The following COL5A2 variants were observed in gnomAD, a reference collection of about 807,000 sequenced individuals.
The protein encoded by COL5A2 is collagen type V alpha 2 chain.
COL5A2 carries 23 observed loss-of-function variants against 208.2 expected under a neutral mutation model. That is an observed-to-expected ratio of 0.11 (90% confidence interval 0.08 to 0.16). The LOEUF (loss-of-function observed/expected upper bound fraction) is 0.16, where lower values mean the gene tolerates loss of function less well. Among genes scored for constraint, COL5A2 ranks in the 10% least tolerant of loss-of-function variants. The probability of loss-of-function intolerance (pLI) is 1.00; values close to 1 mark genes in which losing one functional copy is unlikely to be tolerated. For synonymous variants in COL5A2, 625 were observed against 628.5 expected (o/e 0.99, Z 0.08); for missense variants, 1,590 against 1,956.4 (o/e 0.81, Z 3.53).
chr2:189,144,927 A>C (rs1383552199), intron 1 of COL5A2, among the ~76,000 whole-genome samples: 4 of 152,160 alleles, frequency 2.6e-5, no homozygotes, highest in African/African-American at 7.2e-5. Flanking sequence ...GAGAGATTTC[A>C]TCATCTCCTG....
At chr2:189,427,402 T>C in the COL5A2 span, among the ~76,000 whole-genome samples, 147 of 152,246 alleles carry the variant, frequency 9.7e-4, 2 homozygotes, top group African/African-American at 3.2e-3. Context: ...AGAAGCCAGC[T>C]GCAGGGGCAG....
At chr2:189,055,168 C>G (rs1376058836) in intron 35 of COL5A2, among the ~76,000 whole-genome samples, 1 of 152,178 alleles carries the variant, frequency 6.6e-6, no homozygotes, top group East Asian at 1.9e-4. Context: ...CAGGCGTGAG[C>G]CATCGCGCCC....
At chr2:189,423,077 T>G in the COL5A2 span, among the ~76,000 whole-genome samples, 1 of 150,622 alleles carries the variant, frequency 6.6e-6, no homozygotes, top group African/African-American at 2.4e-5. Context: ...AATGGATATT[T>G]AAAAACATAC....
chr2:189,247,829 C>G, the COL5A2 span, among the ~76,000 whole-genome samples: 1 of 152,144 alleles, frequency 6.6e-6, no homozygotes, highest in African/African-American at 2.4e-5. Context: ...ATCCACGCAT[C>G]TCAGCATCCC....
At chr2:189,317,102 T>C in the COL5A2 span, among the ~76,000 whole-genome samples, 1 of 152,048 alleles carries the variant, frequency 6.6e-6, no homozygotes, top group African/African-American at 2.4e-5. Flanking sequence ...AAGCCAAAGG[T>C]ATATTATTTT....
chr2:189,178,483 C>T (rs1688720140), intron 1 of COL5A2, among the ~76,000 whole-genome samples: 1 of 151,832 alleles, frequency 6.6e-6, no homozygotes, highest in Non-Finnish European at 1.5e-5. Flanking sequence ...TTTGATGTTA[C>T]ATGGTTGAGT....
At chr2:189,378,143 T>C in the COL5A2 span, among the ~76,000 whole-genome samples, 1 of 152,224 alleles carries the variant, frequency 6.6e-6, no homozygotes, top group African/African-American at 2.4e-5. Flanking sequence ...CTTCCCTTCA[T>C]TTACTCCTCC....
the COL5A2 span, among the ~76,000 whole-genome samples, chr2:189,304,281 A>AT: frequency 1.3e-5 from 2 of 152,098 alleles, no homozygotes; most frequent in Non-Finnish European, 2.9e-5. Flanking sequence ...CATAACTCTC[A>AT]TTTTTTTACC....
chr2:189,357,798 T>G, the COL5A2 span, among the ~76,000 whole-genome samples: 2 of 146,584 alleles, frequency 1.4e-5, no homozygotes, highest in African/African-American at 2.5e-5. Flanking sequence ...AGCTGCTCAG[T>G]GTCTGCCCAA....
the COL5A2 span, among the ~76,000 whole-genome samples, chr2:189,417,183 T>C: frequency 1.3e-5 from 2 of 152,174 alleles, no homozygotes; most frequent in Non-Finnish European, 2.9e-5. Flanking sequence ...AATTATTCCA[T>C]CTGGAATTTA....
At chr2:189,332,163 A>C in the COL5A2 span, among the ~76,000 whole-genome samples, 5,544 of 152,270 alleles carry the variant, frequency 0.036, 118 homozygotes, top group Admixed American at 0.05. Flanking sequence ...GAGACCTAAC[A>C]GAAGAAATAC....
the COL5A2 span, among the ~76,000 whole-genome samples, chr2:189,413,384 G>C: frequency 6.6e-6 from 1 of 151,986 alleles, no homozygotes; most frequent in Non-Finnish European, 1.5e-5. Context: ...CAAGAGCCCT[G>C]AAATCAAAGT....
chr2:189,428,461 T>C, the COL5A2 span, among the ~76,000 whole-genome samples: 2 of 149,800 alleles, frequency 1.3e-5, no homozygotes, highest in Admixed American at 1.3e-4. Context: ...CTACTAAAAA[T>C]ACAAAAATTA....
At chr2:189,108,366 G>T (rs372009092) in intron 2 of COL5A2, among the ~76,000 whole-genome samples, 1 of 151,794 alleles carries the variant, frequency 6.6e-6, no homozygotes, top group Non-Finnish European at 1.5e-5. Context: ...TTGAAGGAGA[G>T]AATGGATTTA....
the COL5A2 span, among the ~76,000 whole-genome samples, chr2:189,242,151 A>G: frequency 6.6e-6 from 1 of 151,944 alleles, no homozygotes; most frequent in Non-Finnish European, 1.5e-5. Context: ...CTCCATTTTT[A>G]TTTTGTTTAT....
intron 1 of COL5A2, among the ~76,000 whole-genome samples, chr2:189,185,900 C>T (rs1387768655): frequency 2.6e-5 from 4 of 152,058 alleles, no homozygotes; most frequent in African/African-American, 9.7e-5. Context: ...AATGATTGTC[C>T]TAGAGAAAGA....
chr2:189,369,152 G>A, the COL5A2 span, among the ~76,000 whole-genome samples: 2 of 152,136 alleles, frequency 1.3e-5, no homozygotes, highest in African/African-American at 4.8e-5. Flanking sequence ...ACTGGAAGAA[G>A]AAAGTTACTG....
the COL5A2 span, among the ~76,000 whole-genome samples, chr2:189,238,754 G>A: frequency 6.6e-6 from 1 of 151,998 alleles, no homozygotes; most frequent in African/African-American, 2.4e-5. Flanking sequence ...ATCAGATCTT[G>A]TGAGAACTCA....
the COL5A2 span, among the ~76,000 whole-genome samples, chr2:189,294,005 G>A: frequency 6.6e-6 from 1 of 151,310 alleles, no homozygotes; most frequent in Non-Finnish European, 1.5e-5. Context: ...GGAGAATGGC[G>A]TGAACCTGGG....
Sources: gnomAD v4.1 joint callset for allele counts (sites outside exome capture counted in the v4.1 genomes callset) on GRCh38, gnomAD v4.1.1 for gene constraint, MANE v1.5 for transcripts, NCBI Gene and HGNC (gene_info 2026-07-23, HGNC 2026-07-21) for gene names.